MAP3K7: variants seen among roughly 807,000 people sequenced by gnomAD.
The protein encoded by MAP3K7 is mitogen-activated protein kinase kinase kinase 7.
In MAP3K7, 21 loss-of-function variants were observed where a neutral mutation model predicts 84.8. The observed-to-expected ratio is 0.25, with a 90% CI of 0.18 to 0.36. The LOEUF (loss-of-function observed/expected upper bound fraction) is 0.36. Ranked by LOEUF, MAP3K7 falls within the 10% of genes least tolerant of loss-of-function variation. The pLI is 1.00. For synonymous variants in MAP3K7, 241 were observed against 247.7 expected (o/e 0.97, Z 0.25); for missense variants, 503 against 747.7 (o/e 0.67, Z 3.82).
chr6:90,582,905 CAG>C (rs1418361786), intron 1 of MAP3K7, among the ~76,000 whole-genome samples: 5 of 124,530 alleles, frequency 4.0e-5, no homozygotes, highest in Non-Finnish European at 6.4e-5. Context: ...TTTTTTGAGA[CAG>C]AGTCTCCCTC....
At chr6:90,539,986 G>C (rs765665874) in intron 12 of MAP3K7, among the ~76,000 whole-genome samples, 1 of 151,910 alleles carries the variant, frequency 6.6e-6, no homozygotes, top group Non-Finnish European at 1.5e-5. Flanking sequence ...AAGCGAATAC[G>C]CGTTTTTTAT....
In MAP3K7 at chr6:90,519,267, G is replaced by A. The variant is rs776127821; in HGVS notation, c.1515C>T (p.His505=). 1.3e-6 allele frequency: 2 copies of A among 1,589,308 alleles called. No individual in the cohort carries two copies. Among genetic ancestry groups the A allele is most frequent in the Non-Finnish European group, 8.6e-7 (1 of 1,168,070 alleles). Residue 505 remains histidine, a synonymous_variant, in exon 15 of 17, where the codon CAC becomes CAT. Transcript: ENST00000369329. Reference sequence around the variant, plus strand: ...GAAAGTACTCCTTTACCTGTAGTTGGTGATCCAGTGTAAGATAAGCCATTG... The same window carrying A: ...GAAAGTACTCCTTTACCTGTAGTTGATGATCCAGTGTAAGATAAGCCATTG... The part of the protein sequence containing the change: ...SIPMAYLTLD[H]QLQPLAPCPN...
chr6:90,533,166 A>G (rs1054281680), intron 13 of MAP3K7, among the ~76,000 whole-genome samples: 7 of 152,220 alleles, frequency 4.6e-5, no homozygotes, highest in Non-Finnish European at 8.8e-5. Context: ...TATCTGGCAC[A>G]AAGTCAGTGC....
At chr6:90,567,688 T>C (rs529456782) in intron 3 of MAP3K7, among the ~76,000 whole-genome samples, 3 of 152,280 alleles carry the variant, frequency 2.0e-5, no homozygotes, top group East Asian at 3.9e-4. Context: ...AGAAATACCA[T>C]TTGACTCAGC....
intron 12 of MAP3K7, among the ~76,000 whole-genome samples, chr6:90,541,604 G>C (rs569873330): frequency 6.6e-6 from 1 of 152,090 alleles, no homozygotes; most frequent in South Asian, 2.1e-4. Flanking sequence ...TGGTAGAAGA[G>C]GTATAAAAAA....
intron 1 of MAP3K7, among the ~76,000 whole-genome samples, chr6:90,579,030 T>C (rs544104328): frequency 1.3e-5 from 2 of 152,288 alleles, no homozygotes; most frequent in African/African-American, 4.8e-5. Context: ...TGAAGTTACC[T>C]ATTCAAGGAT....
intron 14 of MAP3K7, among the ~76,000 whole-genome samples, chr6:90,523,020 T>G (rs537006299): frequency 6.6e-6 from 1 of 152,326 alleles, no homozygotes; most frequent in East Asian, 1.9e-4. Context: ...AATTCTACTA[T>G]GGCACATCAT....
intron 11 of MAP3K7, 46 bp from the exon 12 acceptor site, chr6:90,544,678 A>G (rs780753155): frequency 1.4e-6 from 2 of 1,447,974 alleles, no homozygotes; most frequent in Non-Finnish European, 1.9e-6. Context: ...AACCACAAAC[A>G]GTAACACGGA....
chr6:90,558,330 AAAT>A (rs767070190), intron 5 of MAP3K7, among the ~76,000 whole-genome samples: 55 of 151,920 alleles, frequency 3.6e-4, no homozygotes, highest in Non-Finnish European at 7.8e-4. Flanking sequence ...TCAAAATAAA[AAAT>A]AATAATAATA....
intron 12 of MAP3K7, among the ~76,000 whole-genome samples, chr6:90,538,207 T>C (rs143179843): frequency 5.3e-5 from 8 of 151,936 alleles, no homozygotes; most frequent in South Asian, 4.2e-4. Flanking sequence ...CAAAACAGGA[T>C]TGCAATCAAC....
chr6:90,532,669 T>G (rs1421862385), intron 13 of MAP3K7, among the ~76,000 whole-genome samples: 1 of 152,170 alleles, frequency 6.6e-6, no homozygotes, highest in Non-Finnish European at 1.5e-5. Flanking sequence ...AGAAGGGGTA[T>G]TCAGGCATTT....
chr6:90,533,671 T>C (rs1775578049), intron 13 of MAP3K7, among the ~76,000 whole-genome samples: 1 of 152,202 alleles, frequency 6.6e-6, no homozygotes. Context: ...GAAGTAGTCT[T>C]GTTTTGTCTC....
chr6:90,518,003 G>A (rs1191409035), intron 16 of MAP3K7, among the ~76,000 whole-genome samples: 2 of 151,674 alleles, frequency 1.3e-5, no homozygotes, highest in Admixed American at 6.6e-5. Flanking sequence ...AAAAAGGGAG[G>A]AAGGCAGTTT....
chr6:90,549,441 G>GCA (rs1776109551), intron 9 of MAP3K7, among the ~76,000 whole-genome samples: 3 of 152,212 alleles, frequency 2.0e-5, no homozygotes, highest in African/African-American at 4.8e-5. Flanking sequence ...ACACTCAGCT[G>GCA]CATTGGTACA....
intron 12 of MAP3K7, among the ~76,000 whole-genome samples, chr6:90,539,924 G>A (rs2127967137): frequency 6.6e-6 from 1 of 151,990 alleles, no homozygotes; most frequent in East Asian, 1.9e-4. Context: ...TTATCATACT[G>A]TTAGTAAAAA....
chr6:90,579,923 G>A (rs1582245764), intron 1 of MAP3K7, among the ~76,000 whole-genome samples: 1 of 152,156 alleles, frequency 6.6e-6, no homozygotes, highest in Non-Finnish European at 1.5e-5. Flanking sequence ...GGTTAAGAAA[G>A]TTCATTACTG....
chr6:90,583,777 C>T (rs1777355141), intron 1 of MAP3K7, among the ~76,000 whole-genome samples: 1 of 152,176 alleles, frequency 6.6e-6, no homozygotes, highest in Admixed American at 6.5e-5. Context: ...TTCCACTATA[C>T]TACCCTGTGT....
rs959558829 is a variant in MAP3K7 at position 90,514,581 on chromosome 6, A to G, written c.*1920T>C. On this transcript the variant is annotated 3_prime_UTR_variant, in exon 17 of 17. Transcript: ENST00000369329. ...AATGTGTTATAATACAGCAAAACAC[A>G]TCAATGACTATAAATAAAATCTGAA... 1.3e-5 allele frequency: 2 copies of G among 152,066 alleles called. No individual in the cohort carries two copies. Among genetic ancestry groups the G allele is most frequent in the Non-Finnish European group, 2.9e-5 (2 of 67,968 alleles). 9.4% of individuals were successfully genotyped at this position (152,066 alleles called of 1,614,324 possible).
At chr6:90,545,567 G>T (rs1380978343) in intron 11 of MAP3K7, among the ~76,000 whole-genome samples, 1 of 152,022 alleles carries the variant, frequency 6.6e-6, no homozygotes, top group Non-Finnish European at 1.5e-5. Flanking sequence ...CGGTGAGTAG[G>T]GTTCATCTGA....
Sources: gnomAD v4.1 joint callset for allele counts (sites outside exome capture counted in the v4.1 genomes callset) on GRCh38, gnomAD v4.1.1 for gene constraint, MANE v1.5 for transcripts, NCBI Gene and HGNC (gene_info 2026-07-23, HGNC 2026-07-21) for gene names.